FAT3: variants seen among roughly 807,000 people sequenced by gnomAD.
The protein encoded by FAT3 is protocadherin Fat 3.
In FAT3, 95 loss-of-function variants were observed where a neutral mutation model predicts 310.2. The ratio of observed to expected loss-of-function variants is 0.31; its 90% CI spans 0.26 to 0.36. The LOEUF is 0.36. FAT3 is among the 10% of genes least tolerant of loss of function. FAT3 has a pLI of 1.00. For synonymous variants in FAT3, 2,314 were observed against 2,192.9 expected, an observed-to-expected ratio of 1.06 and a Z score of -1.54; for missense variants, 5,408 against 5,715.6, an observed-to-expected ratio of 0.95 and a Z score of 1.74.
chr11:92,330,034 G>A (rs935930625), intron 1 of FAT3, among the ~76,000 whole-genome samples: 41 of 152,048 alleles, frequency 2.7e-4, no homozygotes, highest in African/African-American at 9.9e-4. Flanking sequence ...AGTGAAGGTT[G>A]CAACACTTAG....
chr11:92,525,841 C>T (rs754090149), intron 3 of FAT3, among the ~76,000 whole-genome samples: 9 of 152,100 alleles, frequency 5.9e-5, no homozygotes, highest in Non-Finnish European at 8.8e-5. Flanking sequence ...AACTACTAAT[C>T]TAGTTGATGG....
At chr11:92,785,601 G>C (rs1946870278) in intron 7 of FAT3, among the ~76,000 whole-genome samples, 3 of 152,166 alleles carry the variant, frequency 2.0e-5, no homozygotes, top group Non-Finnish European at 4.4e-5. Context: ...TATATTGGAA[G>C]AGAAGACTCT....
chr11:92,806,153 ATTTG>A (rs1947501795), intron 11 of FAT3, among the ~76,000 whole-genome samples: 1 of 152,212 alleles, frequency 6.6e-6, no homozygotes, highest in Non-Finnish European at 1.5e-5. Flanking sequence ...CTCAATAAAT[ATTTG>A]TTAAATGAAT....
At chr11:92,842,431 A>C (rs1211147481) in intron 18 of FAT3, among the ~76,000 whole-genome samples, 2 of 152,154 alleles carry the variant, frequency 1.3e-5, no homozygotes, top group Non-Finnish European at 2.9e-5. Context: ...TAAAGTCTAA[A>C]CTTGTCACTC....
At chr11:92,752,354 C>G (rs1426171535) in intron 4 of FAT3, among the ~76,000 whole-genome samples, 1 of 152,212 alleles carries the variant, frequency 6.6e-6, no homozygotes, top group East Asian at 1.9e-4. Context: ...GGCTCTGCCA[C>G]TTAAGAATAG....
intron 3 of FAT3, among the ~76,000 whole-genome samples, chr11:92,666,990 AG>A (rs1383814375): frequency 3.3e-5 from 5 of 152,092 alleles, no homozygotes; most frequent in Non-Finnish European, 5.9e-5. Flanking sequence ...GGAGATGGGA[AG>A]TCTAGTCCAG....
At chr11:92,447,605 A>C (rs1323241208) in intron 2 of FAT3, among the ~76,000 whole-genome samples, 1 of 152,128 alleles carries the variant, frequency 6.6e-6, no homozygotes, top group African/African-American at 2.4e-5. Context: ...ATTTGAGGAC[A>C]ATGATGGTAA....
intron 23 of FAT3, among the ~76,000 whole-genome samples, chr11:92,881,243 G>A (rs1949664527): frequency 6.6e-6 from 1 of 152,092 alleles, no homozygotes; most frequent in Non-Finnish European, 1.5e-5. Flanking sequence ...TCCATTAACT[G>A]GACTCTACGG....
chr11:92,805,040 A>G, intron 10 of FAT3, 113 bp from the exon 11 acceptor site: 2 of 1,003,170 alleles, frequency 2.0e-6, no homozygotes, highest in South Asian at 2.4e-5. Context: ...AGTATCCTAA[A>G]TGATACAGTT....
chr11:92,336,780 G>T (rs1948096646), intron 1 of FAT3, among the ~76,000 whole-genome samples: 1 of 152,148 alleles, frequency 6.6e-6, no homozygotes, highest in African/African-American at 2.4e-5. Flanking sequence ...GTCTGGTAGT[G>T]AAATGTTGAA....
At chr11:92,699,908 G>A (rs1222443818) in intron 4 of FAT3, among the ~76,000 whole-genome samples, 1 of 152,134 alleles carries the variant, frequency 6.6e-6, no homozygotes, top group Non-Finnish European at 1.5e-5. Flanking sequence ...GCTTTCTAAA[G>A]ATTTAACAGC....
intron 1 of FAT3, among the ~76,000 whole-genome samples, chr11:92,281,944 T>TC (rs1565198972): frequency 2.0e-5 from 3 of 151,190 alleles, no homozygotes; most frequent in East Asian, 1.9e-4. Flanking sequence ...CTCTCTCTCT[T>TC]GCCCAGACTA....
chr11:92,721,205 T>A (rs1177403927), intron 4 of FAT3, among the ~76,000 whole-genome samples: 4 of 152,182 alleles, frequency 2.6e-5, no homozygotes, highest in Non-Finnish European at 5.9e-5. Context: ...CAAATCAGGA[T>A]AATGCAAGAA....
chr11:92,566,525 GGAA>G (rs1387021393), intron 3 of FAT3, among the ~76,000 whole-genome samples: 4 of 149,610 alleles, frequency 2.7e-5, no homozygotes, highest in African/African-American at 7.6e-5. Context: ...TCACAGAATT[GGAA>G]AAAAACTACT....
At chr11:92,597,918 T>G (rs1174371727) in intron 3 of FAT3, among the ~76,000 whole-genome samples, 1 of 152,166 alleles carries the variant, frequency 6.6e-6, no homozygotes, top group Non-Finnish European at 1.5e-5. Context: ...GGATATCTTT[T>G]TCTTTGAAGC....
rs1949937931 is a variant in FAT3, at chr11:92,892,571, C to T, written c.*1458C>T. The T allele has an allele frequency of 6.6e-6, 1 of 152,082 alleles. No homozygotes were observed. Among genetic ancestry groups the T allele is most frequent in the African/African-American group, 2.4e-5 (1 of 41,368 alleles). The allele number at this position is 152,082 out of a possible 1,614,324, so 9.4% of individuals were successfully genotyped here. ...GGGTTACAGGTGTGTGCCACCACGC[C>T]TGGCTAATTTTTTGTATTTTTAGTA... is the stretch of plus-strand genomic sequence containing the variant. On this transcript the variant is annotated 3_prime_UTR_variant, in exon 28 of 28. Transcript: ENST00000525166.
intron 4 of FAT3, among the ~76,000 whole-genome samples, chr11:92,719,115 C>A (rs146039470): frequency 7.8e-4 from 118 of 152,250 alleles, no homozygotes; most frequent in South Asian, 4.8e-3. Context: ...ATACACCTAT[C>A]TCTGAATATT....
intron 1 of FAT3, among the ~76,000 whole-genome samples, chr11:92,340,111 C>CA (rs56378818): frequency 0.23 from 11,238 of 48,032 alleles, 1,689 homozygotes; most frequent in African/African-American, 0.44. Context: ...GACTCCATCT[C>CA]AAAAAAAAAA....
chr11:92,762,317 G>A, intron 5 of FAT3, 147 bp downstream of exon 5: 2 of 739,148 alleles, frequency 2.7e-6, no homozygotes, highest in Non-Finnish European at 4.3e-6. Flanking sequence ...GGCAAGTGCA[G>A]GTGAGAACTC....
Sources: allele counts gnomAD v4.1 joint callset (sites outside exome capture counted in the v4.1 genomes callset), GRCh38; gene constraint gnomAD v4.1.1; transcripts MANE v1.5; gene names NCBI Gene and HGNC (gene_info 2026-07-23, HGNC 2026-07-21).